The following CACNA1H variants were observed in gnomAD, a reference collection of about 807,000 sequenced individuals.
CACNA1H encodes the protein voltage-dependent T-type calcium channel subunit alpha-1H.
Under a neutral mutation model 192.5 loss-of-function variants are expected in CACNA1H, and 149 were observed. The ratio of observed to expected loss-of-function variants is 0.77; its 90% CI spans 0.68 to 0.89. The LOEUF is 0.89. CACNA1H is among the 40% of genes least tolerant of loss of function. The probability of loss-of-function intolerance (pLI) is 0.00; values close to 1 mark genes in which losing one functional copy is unlikely to be tolerated. For missense variants in CACNA1H, 4,257 were observed against 3,423.5 expected (o/e 1.24, Z -6.08); for synonymous variants, 2,202 against 1,475.2 (o/e 1.49, Z -11.29).
At chr16:1,206,560 CG>C in intron 12 of CACNA1H, 1 of 501,824 alleles carries the variant, frequency 2.0e-6, no homozygotes. Flanking sequence ...AGCAGAATAC[CG>C]GGGGTGGGGG....
chr16:1,168,179 C>T (rs1366621181), intron 2 of CACNA1H, among the ~76,000 whole-genome samples: 1 of 150,832 alleles, frequency 6.6e-6, no homozygotes, highest in Non-Finnish European at 1.5e-5. Flanking sequence ...CCAGTTGGGG[C>T]GGTTGATGTG....
chr16:1,212,132 C>T lies in CACNA1H; in HGVS notation c.4753C>T (p.Arg1585Cys), dbSNP rs764235503. The T allele has an allele frequency of 3.7e-6, 6 of 1,605,364 alleles. No individual in the cohort carries two copies. Among genetic ancestry groups the T allele is most frequent in the South Asian group, 2.2e-5 (2 of 90,966 alleles). Residue 1585 changes from arginine (R) to cysteine (C), a missense_variant, in exon 25 of 35, where the codon CGC (arginine) becomes TGC (cysteine). Physicochemically the swap from Arg to Cys is radical, Grantham distance 180. Coordinates refer to ENST00000348261, the MANE Select transcript of CACNA1H (RefSeq NM_021098.3). ...EKRLRRLERR[R>C]RSTFPSPEAQ... ...GCGGCTGCGGCGCCTAGAGAGGAGGCGCAGGAGTAAGGCGCTCCCGGTGGC... is the reference window on the plus strand; with the variant it reads ...GCGGCTGCGGCGCCTAGAGAGGAGGTGCAGGAGTAAGGCGCTCCCGGTGGC...
chr16:1,158,048 G>A (rs1348247879), intron 2 of CACNA1H: 1 of 152,336 alleles, frequency 6.6e-6, no homozygotes, highest in Non-Finnish European at 1.5e-5. Context: ...GAGAGTTGCA[G>A]GGATGGATCC....
chr16:1,182,054 GAC>G (rs1436954361), intron 2 of CACNA1H, among the ~76,000 whole-genome samples: 1 of 152,200 alleles, frequency 6.6e-6, no homozygotes, highest in Non-Finnish European at 1.5e-5. Context: ...CACACAGATG[GAC>G]ACAACGCTCC....
intron 2 of CACNA1H, among the ~76,000 whole-genome samples, chr16:1,162,769 G>C (rs567103240): frequency 1.3e-5 from 2 of 152,292 alleles, no homozygotes; most frequent in South Asian, 4.1e-4. Flanking sequence ...ACGCTGGGAG[G>C]ACAGTGTCCA....
chr16:1,172,185 C>T (rs2151711509), intron 2 of CACNA1H, among the ~76,000 whole-genome samples: 1 of 152,320 alleles, frequency 6.6e-6, no homozygotes, highest in Middle Eastern at 3.4e-3. Context: ...TGGCTGCGTG[C>T]CTCGATCCGG....
chr16:1,210,190 G>A lies in CACNA1H; in HGVS notation c.3845+55G>A, dbSNP rs373207100. 358 of 1,426,566 alleles carry A rather than the reference G, an allele frequency of 2.5e-4. 2 individuals are homozygous for A. In the South Asian group the frequency reaches 3.6e-3, roughly 14 times the overall value. 88.4% of individuals were successfully genotyped at this position (1,426,566 alleles called of 1,614,324 possible). A position where few individuals can be genotyped will look rare whatever the true frequency, so the allele number is the denominator to read the frequency against. On this transcript the variant is annotated intron_variant, in intron 18 of 34. Coordinates refer to ENST00000348261, the MANE Select transcript of CACNA1H (RefSeq NM_021098.3). ...GCTAGTTCCACCCCACGGGACCCCC[G>A]CCCCCAGGTCCCTCCTGGGTGGGGC...
Position 1,206,186 on chromosome 16 carries a change from C to T in CACNA1H, c.2686C>T (p.Arg896Cys), listed in dbSNP as rs1047092055. The change falls in exon 12 of 35, where the codon CGC (arginine) becomes TGC (cysteine). Residue 896 changes from arginine to cysteine, a missense_variant. By Grantham distance (180) the Arg-to-Cys change is radical (BLOSUM62 -3). Coordinates refer to ENST00000348261, the MANE Select transcript of CACNA1H (RefSeq NM_021098.3). ...GCTGCTGCGTGTGCTGAAGCTGGTG[C>T]GCTTTCTGCCAGCCCTGCGGCGCCA... ...FRLLRVLKLV[R>C]FLPALRRQLV... is the part of the protein sequence containing the mutation. The T allele has an allele frequency of 6.9e-6, 11 of 1,590,208 alleles. No individual in the cohort carries two copies. The highest frequency in any genetic ancestry group is 4.0e-5 in the African/African-American group (3 of 74,408).
chr16:1,191,057 C>T (rs1966569319), intron 2 of CACNA1H, among the ~76,000 whole-genome samples: 3 of 134,900 alleles, frequency 2.2e-5, no homozygotes, highest in Admixed American at 7.3e-5. Flanking sequence ...GCTGGCCTGG[C>T]TGTGTGGCCT....
rs1402022080 is a variant in CACNA1H, at chr16:1,221,642, A to G, written c.*648A>G. On this transcript the variant is annotated 3_prime_UTR_variant, in exon 35 of 35. Transcript: ENST00000348261. ...TGGGGGCGTTGGCCGCGAGATTCCC[A>G]TTGACACCTTTGTTTCGTGTGCTTT... The G allele has an allele frequency of 7.6e-6, 7 of 918,994 alleles. No individual in the cohort carries two copies. Among genetic ancestry groups the G allele is most frequent in the African/African-American group, 1.7e-5 (1 of 59,554 alleles). 56.9% of individuals were successfully genotyped at this position (918,994 alleles called of 1,614,324 possible).
Position 1,193,598 on chromosome 16 carries a change from G to A in CACNA1H, c.300-1374G>A, listed in dbSNP as rs574528864. 8.3e-4 allele frequency among the ~76,000 whole-genome samples: 126 copies of A among 152,408 alleles called. 1 individual carries two copies. The highest frequency in any genetic ancestry group is 2.6e-3 in the African/African-American group (110 of 41,606). ...AGCGCGTGGCTGTGCCAGCATGCCA[G>A]CTGCCTTGGCGGGAGGCTGATTTCG... On this transcript the variant is annotated intron_variant, in intron 2 of 34. Coordinates refer to ENST00000348261, the MANE Select transcript of CACNA1H (RefSeq NM_021098.3).
Position 1,218,417 on chromosome 16 carries a change from G to A in CACNA1H, c.5653G>A (p.Ala1885Thr), listed in dbSNP as rs746160656. Residue 1885 changes from alanine to threonine, a missense_variant, in exon 33 of 35, where the codon GCG (alanine) becomes ACG (threonine). By Grantham distance (58) the Ala-to-Thr change is moderately conservative. Coordinates refer to ENST00000348261, the MANE Select transcript of CACNA1H (RefSeq NM_021098.3). ...GGACGCCGAGATCGAGCTGGAGATG[G>A]CGCAGGGCCCCGGGAGTGCACGCCG... ...ELDAEIELEMAQGPGSARRVD... is the reference protein window; with the variant it reads ...ELDAEIELEMTQGPGSARRVD... 13 of 1,554,814 alleles carry A rather than the reference G, an allele frequency of 8.4e-6. 1 individual carries two copies. In the South Asian group the frequency reaches 1.2e-4, roughly 14 times the overall value.
rs1970488088 is a variant in CACNA1H at position 1,221,650 on chromosome 16, C to T, written c.*656C>T. The T allele has an allele frequency of 5.1e-6, 5 of 984,590 alleles. No individual in the cohort carries two copies. Among genetic ancestry groups the T allele is most frequent in the African/African-American group, 1.6e-5 (1 of 60,942 alleles). 61.0% of individuals were successfully genotyped at this position (984,590 alleles called of 1,614,324 possible). A position where few individuals can be genotyped will look rare whatever the true frequency, so the allele number is the denominator to read the frequency against. On this transcript the variant is annotated 3_prime_UTR_variant, in exon 35 of 35. Transcript: ENST00000348261. The stretch of plus-strand genomic sequence containing the variant: ...TTGGCCGCGAGATTCCCATTGACAC[C>T]TTTGTTTCGTGTGCTTTTAAATTCA...
intron 7 of CACNA1H, 38 bp from the exon 8 acceptor site, chr16:1,200,678 G>T: frequency 1.3e-6 from 2 of 1,564,780 alleles, no homozygotes; most frequent in Non-Finnish European, 1.7e-6. Flanking sequence ...GGAGGAGGAG[G>T]GGTCGTGCGG....
Position 1,208,240 on chromosome 16 carries a change from C to T in CACNA1H, c.3363+19C>T, listed in dbSNP as rs768576988. ...GCCTCCGGTAGGGACCATCTCCTGC[C>T]CCAGCTCTCAGGCCCCTTCAGGTTT... is the stretch of plus-strand genomic sequence containing the variant. On this transcript the variant is annotated intron_variant, in intron 16 of 34. Transcript: ENST00000348261. The T allele has an allele frequency of 5.9e-6, 9 of 1,530,388 alleles. No homozygotes were observed. The highest frequency in any genetic ancestry group is 2.7e-5 in the African/African-American group (2 of 72,752). The allele number at this position is 1,530,388 out of a possible 1,614,324, so 94.8% of individuals were successfully genotyped here.
In CACNA1H at chr16:1,200,787, C is replaced by A. The variant is rs765469156; in HGVS notation, c.1191C>A (p.Ile397=). 8 of 1,552,466 alleles carry A rather than the reference C, an allele frequency of 5.2e-6. No individual in the cohort carries two copies. The African/African-American group carries it at 1.1e-4, about 21-fold the overall frequency. Residue 397 remains isoleucine, a synonymous_variant, in exon 8 of 35, where the codon ATC becomes ATA. Transcript: ENST00000348261. Reference sequence around the variant, plus strand: ...ACGCCCACTCATTCTACAACTTCATCTATTTCATCCTGCTCATCATCGTGA... The same window carrying A: ...ACGCCCACTCATTCTACAACTTCATATATTTCATCCTGCTCATCATCGTGA... ...VMDAHSFYNF[I]YFILLIIVGS...
chr16:1,175,998 G>A (rs1687508139), intron 2 of CACNA1H, among the ~76,000 whole-genome samples: 1 of 152,212 alleles, frequency 6.6e-6, no homozygotes, highest in East Asian at 1.9e-4. Context: ...GGACATCCTG[G>A]TGGCTGCTGG....
At position 1,215,360 on chromosome 16, in the gene CACNA1H, C is replaced by T. The variant is rs1481880978; in HGVS notation, c.5158C>T (p.Leu1720Phe). 2 of 1,610,454 alleles carry T rather than the reference C, an allele frequency of 1.2e-6. No individual in the cohort carries two copies. The highest frequency in any genetic ancestry group is 1.7e-6 in the Non-Finnish European group (2 of 1,178,736). Residue 1720 changes from leucine (L) to phenylalanine (F), a missense_variant, in exon 29 of 35, where the codon CTT becomes TTT. Coordinates refer to ENST00000348261, the MANE Select transcript of CACNA1H (RefSeq NM_021098.3). ...CACCATCATCCGCATCATGCGCGTGCTTCGCATTGCCCGTGGTAGGTGCCC... is the reference window on the plus strand; with the variant it reads ...CACCATCATCCGCATCATGCGCGTGTTTCGCATTGCCCGTGGTAGGTGCCC... The part of the protein sequence containing the change: ...NPTIIRIMRV[L>F]RIARVLKLLK...
At position 1,154,054 on chromosome 16, in the gene CACNA1H, C is replaced by CG. The variant is rs1402551831; in HGVS notation, c.299+24dup. 4 of 106,620 alleles carry CG rather than the reference C, an allele frequency of 3.8e-5. No individual in the cohort carries two copies. The highest frequency in any genetic ancestry group is 3.8e-4 in the East Asian group (1 of 2,612). 6.6% of individuals were successfully genotyped at this position (106,620 alleles called of 1,614,324 possible). ...TGCAACCCATATCCTTCCCGGCCGG[C>CG]GGGGGGCGGGGGGCGGGGGGCGTGG... is the stretch of plus-strand genomic sequence containing the variant. On this transcript the variant is annotated intron_variant, in intron 2 of 34. Transcript: ENST00000348261.
Sources: gnomAD v4.1 joint callset for allele counts (sites outside exome capture counted in the v4.1 genomes callset) on GRCh38, gnomAD v4.1.1 for gene constraint, MANE v1.5 for transcripts, NCBI Gene and HGNC (gene_info 2026-07-23, HGNC 2026-07-21) for gene names.